PPEF1: variants seen among roughly 807,000 people sequenced by gnomAD.
PPEF1 encodes serine/threonine-protein phosphatase with EF-hands 1.
In PPEF1, 12 loss-of-function variants were observed where a neutral mutation model predicts 53.3. The observed-to-expected ratio is 0.23, with a 90% CI of 0.14 to 0.36. The LOEUF (loss-of-function observed/expected upper bound fraction) is 0.36, where lower values mean the gene tolerates loss of function less well. PPEF1 is among the 10% of genes least tolerant of loss of function. PPEF1 has a pLI of 1.00. For missense variants in PPEF1, 334 were observed against 490.4 expected (o/e 0.68, Z 3.01); for synonymous variants, 165 against 176.7 (o/e 0.93, Z 0.52).
upstream of PPEF1, among the ~76,000 whole-genome samples, chrX:18,680,446 T>TTTTTTTTTG (rs1555961764): frequency 1.0e-5 from 1 of 99,055 alleles, no homozygotes; most frequent in African/African-American, 3.8e-5. Context: ...TTTTTTTTTT[T>TTTTTTTTTG]GATACGGCAT....
intron 1 of PPEF1, among the ~76,000 whole-genome samples, chrX:18,711,070 G>A (rs866249492): frequency 6.5e-4 from 53 of 82,081 alleles, no homozygotes; most frequent in Non-Finnish European, 9.3e-4. Flanking sequence ...ATATATATAT[G>A]TATATATATG....
intron 1 of PPEF1, among the ~76,000 whole-genome samples, chrX:18,715,743 A>G (rs1428828217): frequency 9.0e-6 from 1 of 111,571 alleles, no homozygotes; most frequent in African/African-American, 3.3e-5. Context: ...TTACACACTC[A>G]TGGGTGGCAG....
At chrX:18,796,058 C>T (rs947965270) in intron 10 of PPEF1, among the ~76,000 whole-genome samples, 2 of 112,323 alleles carry the variant, frequency 1.8e-5, no homozygotes, top group African/African-American at 6.5e-5. Flanking sequence ...TGGGTTTAGG[C>T]AATTCTCCTG....
chrX:18,697,553 T>G (rs1929798587), intron 4 of PPEF1, among the ~76,000 whole-genome samples: 1 of 110,958 alleles, frequency 9.0e-6, no homozygotes, highest in Non-Finnish European at 1.9e-5. Flanking sequence ...GTCATCCCCC[T>G]TTCTGAGATA....
chrX:18,781,555 G>A (rs1344868504), intron 7 of PPEF1, among the ~76,000 whole-genome samples: 2 of 111,425 alleles, frequency 1.8e-5, no homozygotes, highest in Non-Finnish European at 3.8e-5. Flanking sequence ...CAGAGAGGGC[G>A]AGGAAGGTGA....
At chrX:18,738,052 C>T (rs2045034978) in intron 3 of PPEF1, among the ~76,000 whole-genome samples, 1 of 110,701 alleles carries the variant, frequency 9.0e-6, no homozygotes, top group South Asian at 3.9e-4. Context: ...GAATACAGCA[C>T]ACTGATGGGT....
chrX:18,774,004 A>G (rs1028965041), intron 6 of PPEF1, among the ~76,000 whole-genome samples: 6 of 112,178 alleles, frequency 5.3e-5, no homozygotes, highest in African/African-American at 1.9e-4. Flanking sequence ...ATATTGATTT[A>G]TATATAATTA....
chrX:18,726,510 G>A (rs1195749113), intron 1 of PPEF1, among the ~76,000 whole-genome samples: 5 of 111,370 alleles, frequency 4.5e-5, no homozygotes, highest in Non-Finnish European at 9.4e-5. Flanking sequence ...GTGACTTGGA[G>A]CAAGAGACTC....
chrX:18,817,904 C>G (rs1438657742), intron 12 of PPEF1, 135 bp from the exon 13 acceptor site: 2 of 434,496 alleles, frequency 4.6e-6, no homozygotes, highest in African/African-American at 5.1e-5. Flanking sequence ...CATATATTTA[C>G]CATCTAGTAG....
intron 10 of PPEF1, among the ~76,000 whole-genome samples, chrX:18,797,351 CTTATGT>C: frequency 9.0e-6 from 1 of 111,688 alleles, no homozygotes; most frequent in Middle Eastern, 4.6e-3. Context: ...TAAATTTTCC[CTTATGT>C]TCACTGAGAT....
Position 18,745,196 on chromosome X carries a change from A to G in PPEF1, c.236-4596A>G, listed in dbSNP as rs1028235732. On this transcript the variant is annotated intron_variant, in intron 3 of 15. Coordinates refer to ENST00000470157, the MANE Select transcript of PPEF1 (RefSeq NM_001377996.1). The stretch of plus-strand genomic sequence containing the variant: ...ATTATATTATATTCCATATAATTAT[A>G]TAGAATATATATTATATATATATAT... 1.1e-4 allele frequency among the ~76,000 whole-genome samples: 10 copies of G among 94,766 alleles called. No homozygotes were observed. In the East Asian group the frequency reaches 3.0e-3, roughly 29 times the overall value. The allele number at this position is 94,766 out of a possible 115,157, so 82.3% of individuals were successfully genotyped here. A position where few individuals can be genotyped will look rare whatever the true frequency, so the allele number is the denominator to read the frequency against.
At chrX:18,795,360 C>G (rs1602462075) in intron 10 of PPEF1, among the ~76,000 whole-genome samples, 1 of 112,041 alleles carries the variant, frequency 8.9e-6, no homozygotes, top group Non-Finnish European at 1.9e-5. Context: ...GGGAGAGGGT[C>G]TGCCAAGCCC....
chrX:18,793,324 G>A (rs2046357746), intron 10 of PPEF1, among the ~76,000 whole-genome samples: 1 of 110,917 alleles, frequency 9.0e-6, no homozygotes, highest in African/African-American at 3.3e-5. Context: ...ATTTGGTAGT[G>A]TGTTGTTTAA....
intron 6 of PPEF1, among the ~76,000 whole-genome samples, chrX:18,763,728 A>C (rs886350147): frequency 8.9e-6 from 1 of 111,880 alleles, no homozygotes; most frequent in Non-Finnish European, 1.9e-5. Context: ...TAGAAACACA[A>C]GGTTTTCACT....
Position 18,730,713 on chromosome X carries a change from C to CT in PPEF1, c.174+419dup, listed in dbSNP as rs754429087. On this transcript the variant is annotated intron_variant, in intron 2 of 15. Transcript: ENST00000470157. ...GAAAATATACATGGGTGAGGAAGGC[C>CT]TTTTTTTTTTTTTTCTTCGAGACGG... Among the ~76,000 whole-genome samples the CT allele has an allele frequency of 2.3e-3, 234 of 102,086 alleles. 1 individual carries two copies. The highest frequency in any genetic ancestry group is 3.2e-3 in the Non-Finnish European group (160 of 49,675). The allele number at this position is 102,086 out of a possible 115,157, so 88.6% of individuals were successfully genotyped here.
At chrX:18,695,386 A>G (rs962536114) in intron 4 of PPEF1, among the ~76,000 whole-genome samples, 1 of 112,752 alleles carries the variant, frequency 8.9e-6, no homozygotes, top group African/African-American at 3.2e-5. Context: ...TACCATTGCC[A>G]TGCTCAATTG....
At chrX:18,809,047 C>T (rs1030934306) in intron 12 of PPEF1, among the ~76,000 whole-genome samples, 1 of 108,646 alleles carries the variant, frequency 9.2e-6, no homozygotes, top group Admixed American at 1.0e-4. Context: ...GACTGATATA[C>T]GTGTGTGGAT....
intron 12 of PPEF1, among the ~76,000 whole-genome samples, chrX:18,808,563 A>C (rs1346868410): frequency 1.8e-5 from 2 of 110,536 alleles, no homozygotes; most frequent in Admixed American, 9.8e-5. Flanking sequence ...AAAAAAAAAA[A>C]AACCAAGTAA....
At chrX:18,693,062 G>A (rs1929497966) in intron 4 of PPEF1, among the ~76,000 whole-genome samples, 1 of 111,788 alleles carries the variant, frequency 8.9e-6, no homozygotes, top group African/African-American at 3.3e-5. Flanking sequence ...ACTATCTTCA[G>A]CTTCTCTTGG....
Sources: gnomAD v4.1 joint callset for allele counts (sites outside exome capture counted in the v4.1 genomes callset) on GRCh38, gnomAD v4.1.1 for gene constraint, MANE v1.5 for transcripts, NCBI Gene and HGNC (gene_info 2026-07-23, HGNC 2026-07-21) for gene names.